Variants in ISX observed in about 807,000 individuals in gnomAD.
ISX encodes intestine specific homeobox.
ISX carries 15 observed loss-of-function variants against 16.9 expected under a neutral mutation model. The observed-to-expected ratio is 0.89, with a 90% CI of 0.59 to 1.36. The LOEUF (loss-of-function observed/expected upper bound fraction) is 1.36, where lower values mean the gene tolerates loss of function less well. ISX is among the 40% of genes most tolerant of loss of function. ISX has a pLI of 0.00. For synonymous variants in ISX, 125 were observed against 119.7 expected, an observed-to-expected ratio of 1.04 and a Z score of -0.29; for missense variants, 316 against 306.1, an observed-to-expected ratio of 1.03 and a Z score of -0.24.
Position 35,067,031 on chromosome 22 carries a change from C to A in ISX, c.-57C>A, listed in dbSNP as rs866370902. 1 of 1,359,704 alleles carries A rather than the reference C, an allele frequency of 7.4e-7. No individual in the cohort carries two copies. The highest frequency in any genetic ancestry group is 1.0e-6 in the Non-Finnish European group (1 of 965,588). 84.2% of individuals were successfully genotyped at this position (1,359,704 alleles called of 1,614,324 possible). A position where few individuals can be genotyped will look rare whatever the true frequency, so the allele number is the denominator to read the frequency against. On this transcript the variant is annotated 5_prime_UTR_variant, in exon 2 of 5. Coordinates refer to ENST00000404699, the MANE Select transcript of ISX (RefSeq NM_001303508.2). ...CCCAGGAGGTTCAGGGGAGGAAGTA[C>A]GCCACTCTCCACTGGCACCCTCCTT...
intron 3 of ISX, among the ~76,000 whole-genome samples, chr22:35,082,953 G>A (rs751037107): frequency 7.2e-5 from 11 of 152,158 alleles, no homozygotes; most frequent in Non-Finnish European, 1.0e-4. Flanking sequence ...GTTCCCAAAC[G>A]TCGTTCACAA....
chr22:35,069,210 T>A (rs1359037831), intron 2 of ISX, among the ~76,000 whole-genome samples: 1 of 152,240 alleles, frequency 6.6e-6, no homozygotes, highest in Non-Finnish European at 1.5e-5. Context: ...ATTTATTATT[T>A]GAGTCAAACA....
intron 2 of ISX, among the ~76,000 whole-genome samples, chr22:35,077,176 G>A (rs974724545): frequency 2.0e-5 from 3 of 152,194 alleles, no homozygotes; most frequent in African/African-American, 7.2e-5. Context: ...CTATGCATGG[G>A]CCAGGGCCAT....
chr22:35,079,198 T>A (rs1929064040), intron 2 of ISX, among the ~76,000 whole-genome samples: 1 of 152,232 alleles, frequency 6.6e-6, no homozygotes, highest in African/African-American at 2.4e-5. Flanking sequence ...TCTTAGTATG[T>A]GATGGCTTTA....
intron 2 of ISX, among the ~76,000 whole-genome samples, chr22:35,072,546 T>C (rs361565): frequency 0.43 from 65,548 of 151,954 alleles, 14,626 homozygotes; most frequent in East Asian, 0.79. Context: ...ATATGGAGCA[T>C]GGAAAGGTCT....
chr22:35,075,493 C>T (rs1928957258), intron 2 of ISX, among the ~76,000 whole-genome samples: 1 of 152,106 alleles, frequency 6.6e-6, no homozygotes, highest in South Asian at 2.1e-4. Flanking sequence ...ATGGAGTGGG[C>T]CCCACACACA....
In ISX at chr22:35,086,124, G is replaced by C. The variant is rs574998226; in HGVS notation, c.*431G>C. The C allele has an allele frequency of 8.6e-5, 23 of 268,126 alleles. No homozygotes were observed. The highest frequency in any genetic ancestry group is 1.4e-4 in the Non-Finnish European group (20 of 137,998). The allele number at this position is 268,126 out of a possible 1,614,324, so 16.6% of individuals were successfully genotyped here. A position where few individuals can be genotyped will look rare whatever the true frequency, so the allele number is the denominator to read the frequency against. On this transcript the variant is annotated 3_prime_UTR_variant, in exon 5 of 5. Transcript: ENST00000404699. ...ACTGAGGCACAGAGGAGGCCAAGGA[G>C]AGGTTGTTTGTTCATGCATGCATTC...
intron 2 of ISX, among the ~76,000 whole-genome samples, chr22:35,073,120 C>G (rs530417317): frequency 6.6e-6 from 1 of 152,288 alleles, no homozygotes; most frequent in East Asian, 1.9e-4. Context: ...AAGCAGCTTC[C>G]TTTTAGGACT....
At chr22:35,081,555 T>A (rs1929123505) in intron 2 of ISX, among the ~76,000 whole-genome samples, 1 of 152,208 alleles carries the variant, frequency 6.6e-6, no homozygotes, top group South Asian at 2.1e-4. Flanking sequence ...TAGGATGGTC[T>A]TGGTCAACTG....
chr22:35,069,641 T>C (rs1361958761), intron 2 of ISX, among the ~76,000 whole-genome samples: 1 of 152,166 alleles, frequency 6.6e-6, no homozygotes, highest in African/African-American at 2.4e-5. Context: ...GCAGAGAGAC[T>C]GGAAGGCCTC....
At chr22:35,067,792 TCTC>T (rs1401632259) in intron 2 of ISX, among the ~76,000 whole-genome samples, 1 of 151,986 alleles carries the variant, frequency 6.6e-6, no homozygotes, top group African/African-American at 2.4e-5. Context: ...CCCAGCACAG[TCTC>T]CTCCTCATAA....
At chr22:35,068,183 T>C (rs559546314) in intron 2 of ISX, among the ~76,000 whole-genome samples, 13 of 152,354 alleles carry the variant, frequency 8.5e-5, no homozygotes, top group Admixed American at 3.3e-4. Context: ...GCCTTGTCAG[T>C]CTGACTGTCA....
chr22:35,086,669 G>C lies in ISX; in HGVS notation c.*976G>C, dbSNP rs1001187930. The C allele has an allele frequency of 3.3e-5, 5 of 152,248 alleles. No individual in the cohort carries two copies. Among genetic ancestry groups the C allele is most frequent in the African/African-American group, 9.6e-5 (4 of 41,466 alleles). 9.4% of individuals were successfully genotyped at this position (152,248 alleles called of 1,614,324 possible). On this transcript the variant is annotated 3_prime_UTR_variant, in exon 5 of 5. Coordinates refer to ENST00000404699, the MANE Select transcript of ISX (RefSeq NM_001303508.2). ...CCTCAAAGAGCATTCAGGAGGCTCT[G>C]AGAGGACATGAGAGTATTTTGCAAA...
chr22:35,070,243 G>A (rs1928814369), intron 2 of ISX, among the ~76,000 whole-genome samples: 1 of 152,182 alleles, frequency 6.6e-6, no homozygotes, highest in Non-Finnish European at 1.5e-5. Context: ...GACCCTCCCA[G>A]GTCTTAAAAG....
chr22:35,067,201 G>A lies in ISX; in HGVS notation c.114G>A (p.Lys38=). ...CCTTCTCCATTGAGGCGATCCTAAA[G>A]AGGCCTGCCAGGAGGAGTGATATGG... ...SLSFSIEAIL[K]RPARRSDMDR... The change falls in exon 2 of 5, where the codon AAG becomes AAA. Residue 38 remains lysine (K), a synonymous_variant. Transcript: ENST00000404699. The A allele has an allele frequency of 1.9e-6, 3 of 1,611,978 alleles. No homozygotes were observed. Among genetic ancestry groups the A allele is most frequent in the Non-Finnish European group, 2.5e-6 (3 of 1,178,982 alleles).
chr22:35,069,560 T>C (rs1928794513), intron 2 of ISX, among the ~76,000 whole-genome samples: 1 of 152,224 alleles, frequency 6.6e-6, no homozygotes, highest in African/African-American at 2.4e-5. Context: ...CAGGATTCCC[T>C]TGTGGTGATT....
intron 4 of ISX, 31 bp downstream of exon 4, chr22:35,084,530 A>C (rs372322858): frequency 1.7e-4 from 249 of 1,445,032 alleles, no homozygotes; most frequent in Admixed American, 3.8e-4. Context: ...GGTAGGGTGG[A>C]GGGAGCCATT....
At position 35,072,636 on chromosome 22, in the gene ISX, G is replaced by C. The variant is rs552124061; in HGVS notation, c.229+5320G>C. 2.0e-5 allele frequency among the ~76,000 whole-genome samples: 3 copies of C among 152,254 alleles called. No individual in the cohort carries two copies. The East Asian group carries it at 5.8e-4, about 29-fold the overall frequency. On this transcript the variant is annotated intron_variant, in intron 2 of 4. Coordinates refer to ENST00000404699, the MANE Select transcript of ISX (RefSeq NM_001303508.2). ...GTCAGAGCTAGGAGAAATCCAAATG[G>C]GCAGAGGAGGAGGCTTAAAACATTG...
At chr22:35,077,482 T>G (rs1241183675) in intron 2 of ISX, among the ~76,000 whole-genome samples, 1 of 152,152 alleles carries the variant, frequency 6.6e-6, no homozygotes, top group East Asian at 1.9e-4. Flanking sequence ...GAATTCTATC[T>G]GTCTCTCCCA....
Sources: allele counts gnomAD v4.1 joint callset (sites outside exome capture counted in the v4.1 genomes callset), GRCh38; gene constraint gnomAD v4.1.1; transcripts MANE v1.5; gene names NCBI Gene and HGNC (gene_info 2026-07-23, HGNC 2026-07-21).